Variants in ZC4H2 observed in about 807,000 individuals in gnomAD.
The protein encoded by ZC4H2 is zinc finger C4H2 domain-containing protein.
For synonymous variants in ZC4H2, 84 were observed against 66.3 expected, an observed-to-expected ratio of 1.27 and a Z score of -1.30; for missense variants, 137 against 173.9, an observed-to-expected ratio of 0.79 and a Z score of 1.19.
chrX:64,990,008 T>A (rs1019817133), intron 1 of ZC4H2, among the ~76,000 whole-genome samples: 2 of 112,075 alleles, frequency 1.8e-5, no homozygotes, highest in African/African-American at 6.5e-5. Flanking sequence ...AACTACCACA[T>A]GACCTAGTAA....
intron 1 of ZC4H2, among the ~76,000 whole-genome samples, chrX:65,029,634 A>C (rs1328887722): frequency 2.7e-5 from 3 of 111,424 alleles, no homozygotes; most frequent in Non-Finnish European, 5.7e-5. Context: ...AGTGGGTAAG[A>C]CCTCTGAGGT....
intron 4 of ZC4H2, 173 bp downstream of exon 4, chrX:64,918,869 G>A (rs1929048278): frequency 4.0e-6 from 2 of 503,703 alleles, no homozygotes; most frequent in East Asian, 8.5e-5. Context: ...CAAAACCTGT[G>A]CTGTGTGTGT....
chrX:64,948,647 C>A (rs933957972), intron 1 of ZC4H2, among the ~76,000 whole-genome samples: 4 of 111,962 alleles, frequency 3.6e-5, no homozygotes, highest in Non-Finnish European at 5.6e-5. Context: ...TGGATACAAA[C>A]CTACTACATA....
At chrX:65,025,651 T>C (rs1401580573) in intron 1 of ZC4H2, among the ~76,000 whole-genome samples, 1 of 111,324 alleles carries the variant, frequency 9.0e-6, no homozygotes, top group Non-Finnish European at 1.9e-5. Flanking sequence ...ATAGAGTCCA[T>C]AAGGAGAATT....
chrX:64,930,641 G>T (rs1245840071), intron 1 of ZC4H2, among the ~76,000 whole-genome samples: 1 of 111,732 alleles, frequency 8.9e-6, no homozygotes, highest in Non-Finnish European at 1.9e-5. Flanking sequence ...TTTTTATTTT[G>T]ATTCTGTTTA....
chrX:64,980,513 C>T (rs1326027422), upstream of ZC4H2, among the ~76,000 whole-genome samples: 1 of 111,985 alleles, frequency 8.9e-6, no homozygotes, highest in Non-Finnish European at 1.9e-5. Flanking sequence ...TTAATTCATG[C>T]AAACAGCCAA....
At chrX:64,960,285 G>A (rs1198909790) in intron 1 of ZC4H2, among the ~76,000 whole-genome samples, 2 of 110,250 alleles carry the variant, frequency 1.8e-5, no homozygotes, top group African/African-American at 6.6e-5. Flanking sequence ...TGTAGAAAGA[G>A]AACTCTATTG....
chrX:64,928,672 CT>C (rs1929561791), intron 1 of ZC4H2, among the ~76,000 whole-genome samples: 1 of 99,937 alleles, frequency 1.0e-5, no homozygotes, highest in Non-Finnish European at 2.1e-5. Flanking sequence ...TCTTCTTCTT[CT>C]TCTTCTTCTT....
intron 1 of ZC4H2, among the ~76,000 whole-genome samples, chrX:64,957,959 C>G: frequency 8.9e-6 from 1 of 112,016 alleles, no homozygotes; most frequent in Non-Finnish European, 1.9e-5. Flanking sequence ...TGTCTCCCAA[C>G]TCTACATCTT....
At chrX:64,980,381 C>T (rs1195699704), upstream of ZC4H2, among the ~76,000 whole-genome samples, 1 of 111,764 alleles carries the variant, frequency 8.9e-6, no homozygotes, top group South Asian at 3.7e-4. Flanking sequence ...GCAAGACACA[C>T]ACACATAAGG....
At chrX:64,969,788 G>A (rs1384469687) in intron 1 of ZC4H2, among the ~76,000 whole-genome samples, 1 of 111,885 alleles carries the variant, frequency 8.9e-6, no homozygotes, top group African/African-American at 3.3e-5. Context: ...GATGGAGAGG[G>A]TCACATAAAA....
chrX:64,982,884 A>C (rs1415284767), intron 1 of ZC4H2, among the ~76,000 whole-genome samples: 1 of 112,441 alleles, frequency 8.9e-6, no homozygotes, highest in Admixed American at 9.4e-5. Context: ...CATAAATCTT[A>C]GTAGTACCCC....
intron 1 of ZC4H2, among the ~76,000 whole-genome samples, chrX:64,999,460 C>T (rs897438403): frequency 8.9e-6 from 1 of 112,372 alleles, no homozygotes; most frequent in African/African-American, 3.2e-5. Context: ...CAGGAGATTC[C>T]CTTGGGTGCC....
At chrX:65,030,070 T>C (rs1035226906) in intron 1 of ZC4H2, among the ~76,000 whole-genome samples, 4 of 112,292 alleles carry the variant, frequency 3.6e-5, no homozygotes, top group African/African-American at 1.3e-4. Context: ...TTCAAGTGTT[T>C]GAAATTCTAG....
intron 1 of ZC4H2, among the ~76,000 whole-genome samples, chrX:65,032,085 T>TA (rs764316007): frequency 8.9e-6 from 1 of 111,742 alleles, no homozygotes; most frequent in East Asian, 2.8e-4. Flanking sequence ...TCTATCGTAG[T>TA]AAAGGCAGAT....
chrX:65,022,523 T>C (rs1035689048), intron 1 of ZC4H2, among the ~76,000 whole-genome samples: 1 of 111,979 alleles, frequency 8.9e-6, no homozygotes, highest in Non-Finnish European at 1.9e-5. Context: ...ATGCAATGCA[T>C]CTCAAAATAA....
chrX:65,029,589 C>T (rs1308775049), intron 1 of ZC4H2, among the ~76,000 whole-genome samples: 9 of 110,884 alleles, frequency 8.1e-5, no homozygotes, highest in Non-Finnish European at 1.1e-4. Flanking sequence ...ATAGTTGAGA[C>T]GGACAGTTGT....
In ZC4H2 at chrX:65,005,462, C is replaced by T. The variant is rs764328078; in HGVS notation, c.-272+29167G>A. Among the ~76,000 whole-genome samples, 46 of 100,190 alleles carry T rather than the reference C, an allele frequency of 4.6e-4. 1 individual carries two copies. Among genetic ancestry groups the T allele is most frequent in the Admixed American group, 1.2e-3 (12 of 10,196 alleles). The allele number at this position is 100,190 out of a possible 115,157, so 87.0% of individuals were successfully genotyped here. On this transcript the variant is annotated intron_variant, in intron 1 of 4. Coordinates refer to the ZC4H2 transcript ENST00000337990. ...ACCATCTGATTTTTGAAAAACCTGA[C>T]GCAAGCAAGCAATGGGAAAAGGATT...
chrX:64,991,701 T>C (rs1470291694), intron 1 of ZC4H2, among the ~76,000 whole-genome samples: 1 of 111,715 alleles, frequency 9.0e-6, no homozygotes, highest in African/African-American at 3.3e-5. Context: ...AAAACATATA[T>C]CCACAGAAAA....
Sources: gnomAD v4.1 joint callset for allele counts (sites outside exome capture counted in the v4.1 genomes callset) on GRCh38, gnomAD v4.1.1 for gene constraint, MANE v1.5 for transcripts, NCBI Gene and HGNC (gene_info 2026-07-23, HGNC 2026-07-21) for gene names.